Variants in ASB5 observed in about 807,000 individuals in gnomAD.
ASB5 encodes ankyrin repeat and SOCS box protein 5.
ASB5 carries 45 observed loss-of-function variants against 42.1 expected under a neutral mutation model. That is an observed-to-expected ratio of 1.07 (90% CI 0.84 to 1.37). The LOEUF is 1.37. ASB5 is among the 40% of genes most tolerant of loss of function. The pLI is 0.00. For missense variants in ASB5, 402 were observed against 399.8 expected, an observed-to-expected ratio of 1.01 and a Z score of -0.05; for synonymous variants, 147 against 150.6, an observed-to-expected ratio of 0.98 and a Z score of 0.18.
chr4:176,240,041 G>A (rs1238502964), intron 1 of ASB5, among the ~76,000 whole-genome samples: 2 of 152,240 alleles, frequency 1.3e-5, no homozygotes, highest in African/African-American at 2.4e-5. Flanking sequence ...GTGAGTGAAC[G>A]CGTTAGGGAC....
At chr4:176,246,923 A>T (rs1753924342) in intron 1 of ASB5, among the ~76,000 whole-genome samples, 1 of 152,084 alleles carries the variant, frequency 6.6e-6, no homozygotes, top group African/African-American at 2.4e-5. Flanking sequence ...CACAAATAAT[A>T]TAACTTTTCA....
chr4:176,216,803 A>G lies in ASB5; in HGVS notation c.862+15T>C, dbSNP rs748293774. 4 of 1,530,848 alleles carry G rather than the reference A, an allele frequency of 2.6e-6. No individual in the cohort carries two copies. The highest frequency in any genetic ancestry group is 3.5e-6 in the Non-Finnish European group (4 of 1,140,830). 94.8% of individuals were successfully genotyped at this position (1,530,848 alleles called of 1,614,324 possible). On this transcript the variant is annotated intron_variant, in intron 6 of 6. Coordinates refer to ENST00000296525, the MANE Select transcript of ASB5 (RefSeq NM_080874.4). The stretch of plus-strand genomic sequence containing the variant: ...ATATTTTGTTTTTGTAAGTTTCCAC[A>G]TGTATTTTTCTTACCTTCATGTTGA...
chr4:176,269,271 G>C (rs1382846002), upstream of ASB5: 2 of 471,330 alleles, frequency 4.2e-6, no homozygotes, highest in South Asian at 5.3e-5. Context: ...AAAGTTCTTC[G>C]CAAACTCCTA....
intron 1 of ASB5, among the ~76,000 whole-genome samples, chr4:176,252,077 A>AG (rs1754049526): frequency 2.4e-5 from 1 of 42,246 alleles, no homozygotes; most frequent in Non-Finnish European, 4.8e-5. Context: ...AAAAAAAAAA[A>AG]AAAAAAGAAA....
upstream of ASB5, among the ~76,000 whole-genome samples, chr4:176,272,733 A>T (rs1754491377): frequency 1.3e-5 from 2 of 152,184 alleles, no homozygotes; most frequent in African/African-American, 4.8e-5. Flanking sequence ...ACTTTCAAAT[A>T]TAACCAGATT....
chr4:176,268,636 G>A (rs927688909), intron 1 of ASB5, among the ~76,000 whole-genome samples: 7 of 151,596 alleles, frequency 4.6e-5, no homozygotes, highest in African/African-American at 1.7e-4. Context: ...TTCTTAATAG[G>A]AATAGATATA....
intron 1 of ASB5, among the ~76,000 whole-genome samples, chr4:176,249,875 C>A (rs961240232): frequency 1.3e-5 from 2 of 151,676 alleles, no homozygotes; most frequent in Non-Finnish European, 2.9e-5. Flanking sequence ...ACCATCCTGG[C>A]TAACACAGTG....
In ASB5 at chr4:176,222,368, G is replaced by T; in HGVS notation, c.329C>A (p.Ala110Asp). ...TLDHVTPLHE[A>D]CLGDHVACAR... ...ACATGCCACGTGATCTCCAAGGCAG[G>T]CTTCGTGCAATGGGGTGACATGGTC... Residue 110 changes from alanine to aspartate, a missense_variant, in exon 3 of 7, where the codon GCC (alanine) becomes GAC (aspartate). Ala to Asp is a moderately radical substitution (Grantham distance 126). Transcript: ENST00000296525. The T allele has an allele frequency of 6.2e-7, 1 of 1,614,018 alleles. No individual in the cohort carries two copies. The highest frequency in any genetic ancestry group is 8.5e-7 in the Non-Finnish European group (1 of 1,179,986).
At chr4:176,217,411 A>T (rs1363245300) in intron 5 of ASB5, among the ~76,000 whole-genome samples, 1 of 152,156 alleles carries the variant, frequency 6.6e-6, no homozygotes, top group East Asian at 1.9e-4. Flanking sequence ...TAGCTTTTAG[A>T]ATTATTCAGG....
rs1752911509 is a variant in ASB5, at chr4:176,214,410, TAAAA to T, written c.*1186_*1189del. ...TAGGCCCTGAATTACAAAACAGGCATAAAATTTTATTAAGTTTTTTATTGCACTC... is the reference window on the plus strand; with the variant it reads ...TAGGCCCTGAATTACAAAACAGGCATTTTTATTAAGTTTTTTATTGCACTC... On this transcript the variant is annotated 3_prime_UTR_variant, in exon 7 of 7. Coordinates refer to ENST00000296525, the MANE Select transcript of ASB5 (RefSeq NM_080874.4). 2.6e-5 allele frequency: 4 copies of T among 152,138 alleles called. No homozygotes were observed. Among genetic ancestry groups the T allele is most frequent in the Admixed American group, 2.6e-4 (4 of 15,248 alleles). 9.4% of individuals were successfully genotyped at this position (152,138 alleles called of 1,614,324 possible).
chr4:176,243,714 G>T (rs1377897246), intron 1 of ASB5, among the ~76,000 whole-genome samples: 3 of 152,052 alleles, frequency 2.0e-5, no homozygotes, highest in Non-Finnish European at 4.4e-5. Context: ...ATGTTGCCCA[G>T]GCTGGTCTCG....
At chr4:176,226,561 T>C (rs1427948956) in intron 1 of ASB5, among the ~76,000 whole-genome samples, 4 of 152,170 alleles carry the variant, frequency 2.6e-5, no homozygotes, top group African/African-American at 9.7e-5. Flanking sequence ...TCTCTGTCTA[T>C]GTATCTAGGT....
At chr4:176,269,296 T>A, upstream of ASB5, 1 of 415,458 alleles carries the variant, frequency 2.4e-6, no homozygotes, top group East Asian at 3.7e-5. Context: ...TCTGAAAATA[T>A]TCCATGGAAG....
chr4:176,240,247 A>T (rs1753782967), intron 1 of ASB5, among the ~76,000 whole-genome samples: 1 of 152,212 alleles, frequency 6.6e-6, no homozygotes, highest in African/African-American at 2.4e-5. Flanking sequence ...TATGGCTCAG[A>T]AAAAGCATCT....
At chr4:176,255,890 T>C (rs965637594) in intron 1 of ASB5, among the ~76,000 whole-genome samples, 2 of 152,124 alleles carry the variant, frequency 1.3e-5, no homozygotes, top group Non-Finnish European at 1.5e-5. Flanking sequence ...GAAAGAAAAA[T>C]AGCAATTATG....
At chr4:176,220,574 A>C (rs1753175702) in intron 5 of ASB5, among the ~76,000 whole-genome samples, 1 of 152,170 alleles carries the variant, frequency 6.6e-6, no homozygotes, top group African/African-American at 2.4e-5. Flanking sequence ...CTATGGCCTC[A>C]GTGGGTTAGG....
rs566769624 is a variant in ASB5 at position 176,222,372 on chromosome 4, C to G, written c.325G>C (p.Glu109Gln). ...VTLDHVTPLHEACLGDHVACA... is the reference protein window; with the variant it reads ...VTLDHVTPLHQACLGDHVACA... ...GCCACGTGATCTCCAAGGCAGGCTT[C>G]GTGCAATGGGGTGACATGGTCTAAG... is the stretch of plus-strand genomic sequence containing the variant. Residue 109 changes from glutamate (E) to glutamine (Q), a missense_variant, in exon 3 of 7, where the codon GAA becomes CAA. Physicochemically the swap from Glu to Gln is conservative, Grantham distance 29. Coordinates refer to ENST00000296525, the MANE Select transcript of ASB5 (RefSeq NM_080874.4). 2 of 1,613,900 alleles carry G rather than the reference C, an allele frequency of 1.2e-6. No individual in the cohort carries two copies. The highest frequency in any genetic ancestry group is 1.7e-5 in the Admixed American group (1 of 59,958).
chr4:176,232,406 C>G (rs548858316), intron 1 of ASB5, among the ~76,000 whole-genome samples: 1 of 152,164 alleles, frequency 6.6e-6, no homozygotes, highest in African/African-American at 2.4e-5. Flanking sequence ...TAGATGTGAG[C>G]CACCGAGCCT....
At chr4:176,238,206 CAAA>C (rs3060874) in intron 1 of ASB5, among the ~76,000 whole-genome samples, 2 of 101,164 alleles carry the variant, frequency 2.0e-5, no homozygotes, top group Admixed American at 1.1e-4. Flanking sequence ...GACTCCGTCT[CAAA>C]AAAAAAAAAA....
Sources: gnomAD v4.1 joint callset for allele counts (sites outside exome capture counted in the v4.1 genomes callset) on GRCh38, gnomAD v4.1.1 for gene constraint, MANE v1.5 for transcripts, NCBI Gene and HGNC (gene_info 2026-07-23, HGNC 2026-07-21) for gene names.